The following FARS2 variants were observed in gnomAD, a reference collection of about 807,000 sequenced individuals.
FARS2 encodes phenylalanine--tRNA ligase, mitochondrial.
A neutral mutation model predicts 46.4 loss-of-function variants in FARS2; 40 were observed. The observed-to-expected ratio is 0.86, with a 90% CI of 0.67 to 1.12. The LOEUF (loss-of-function observed/expected upper bound fraction) is 1.12, where lower values mean the gene tolerates loss of function less well. Among genes scored for constraint, FARS2 ranks in the 50% most tolerant of loss-of-function variants. The pLI is 0.00. For missense variants in FARS2, 513 were observed against 567.9 expected (o/e 0.90, Z 0.98); for synonymous variants, 234 against 214.9 (o/e 1.09, Z -0.78).
upstream of FARS2, chr6:5,260,922 C>T (rs563920869): frequency 3.7e-6 from 5 of 1,360,724 alleles, no homozygotes; most frequent in African/African-American, 6.2e-5. Flanking sequence ...CGTCCCGCGC[C>T]GCTTCGGGGG....
At chr6:5,507,171 A>G (rs930226984) in intron 4 of FARS2, among the ~76,000 whole-genome samples, 6 of 152,204 alleles carry the variant, frequency 3.9e-5, no homozygotes, top group African/African-American at 1.4e-4. Flanking sequence ...CAGCAAAAAA[A>G]GTGATGGCTT....
chr6:5,338,884 C>A lies in FARS2; in HGVS notation c.-21-29666C>A, dbSNP rs150370591. Among the ~76,000 whole-genome samples, 683 of 152,178 alleles carry A rather than the reference C, an allele frequency of 4.5e-3. 2 individuals carry two copies. The highest frequency in any genetic ancestry group is 7.5e-3 in the Non-Finnish European group (508 of 68,006). On this transcript the variant is annotated intron_variant, in intron 1 of 6. Coordinates refer to ENST00000274680, the MANE Select transcript of FARS2 (RefSeq NM_006567.5). ...TTTTCTTGCGATTTTCCTGTACAGTCCCCAGATTTACTAGCCTTCCCTCAA... is the reference window on the plus strand; with the variant it reads ...TTTTCTTGCGATTTTCCTGTACAGTACCCAGATTTACTAGCCTTCCCTCAA...
At chr6:5,342,454 T>C (rs762050665) in intron 1 of FARS2, among the ~76,000 whole-genome samples, 5 of 152,212 alleles carry the variant, frequency 3.3e-5, no homozygotes, top group Non-Finnish European at 5.9e-5. Context: ...AAGTGACTCA[T>C]GGTCAACTAG....
chr6:5,260,605 CCCCTGGCCCCCCG>C, upstream of FARS2: 3 of 822,268 alleles, frequency 3.6e-6, no homozygotes, highest in Non-Finnish European at 3.9e-6. Flanking sequence ...CGGTCCCCGG[CCCCTGGCCCCCCG>C]CCCCCGGCCC....
chr6:5,303,244 A>C (rs914002559), intron 1 of FARS2, among the ~76,000 whole-genome samples: 25 of 152,194 alleles, frequency 1.6e-4, no homozygotes. Flanking sequence ...AGAGAAAAGA[A>C]CTTGAGCATT....
In FARS2 at chr6:5,590,871, A is replaced by C. The variant is rs546604030; in HGVS notation, c.1066-22298A>C. On this transcript the variant is annotated intron_variant, in intron 5 of 6. Transcript: ENST00000274680. ...ACCTACATCTTATTTTAAATTTCCTAACAGCTCATTGCTTTGCACATTGTA... is the reference window on the plus strand; with the variant it reads ...ACCTACATCTTATTTTAAATTTCCTCACAGCTCATTGCTTTGCACATTGTA... Among the ~76,000 whole-genome samples, 22 of 152,100 alleles carry C rather than the reference A, an allele frequency of 1.4e-4. No homozygotes were observed. In the East Asian group the frequency reaches 4.3e-3, roughly 29 times the overall value.
At chr6:5,286,990 C>T (rs6597123) in intron 1 of FARS2, among the ~76,000 whole-genome samples, 61,318 of 152,070 alleles carry the variant, frequency 0.4, 14,660 homozygotes, top group East Asian at 0.8. Context: ...CTTGTGGCCC[C>T]AGGCCTGGCC....
At chr6:5,267,171 A>AAAC (rs1765605928) in intron 1 of FARS2, among the ~76,000 whole-genome samples, 1 of 150,520 alleles carries the variant, frequency 6.6e-6, no homozygotes, top group Non-Finnish European at 1.5e-5. Context: ...AAAAAAAAAA[A>AAAC]CTCATTAATT....
intron 4 of FARS2, among the ~76,000 whole-genome samples, chr6:5,531,310 A>G (rs1769815348): frequency 6.6e-6 from 1 of 152,208 alleles, no homozygotes; most frequent in African/African-American, 2.4e-5. Flanking sequence ...CACTTTCTAC[A>G]CATTCCATGT....
In FARS2 at chr6:5,375,701, A is replaced by C. The variant is rs73718084; in HGVS notation, c.612+6519A>C. Among the ~76,000 whole-genome samples, 682 of 152,242 alleles carry C rather than the reference A, an allele frequency of 4.5e-3. 5 individuals carry two copies. The highest frequency in any genetic ancestry group is 0.016 in the African/African-American group (650 of 41,584). On this transcript the variant is annotated intron_variant, in intron 2 of 6. Coordinates refer to ENST00000274680, the MANE Select transcript of FARS2 (RefSeq NM_006567.5). ...TCATATTTGAGAACTTATGAAATAT[A>C]AGTGATATTTCATATCACATAAGTG...
At chr6:5,325,941 C>T (rs1770345693) in intron 1 of FARS2, among the ~76,000 whole-genome samples, 1 of 152,116 alleles carries the variant, frequency 6.6e-6, no homozygotes, top group African/African-American at 2.4e-5. Flanking sequence ...ATCAGATTGG[C>T]AGAGATGGAA....
rs76975566 is a variant in FARS2, at chr6:5,734,569, A to G, written c.1218-36722A>G. Among the ~76,000 whole-genome samples, 544 of 152,218 alleles carry G rather than the reference A, an allele frequency of 3.6e-3. 2 individuals are homozygous for G. Among genetic ancestry groups the G allele is most frequent in the African/African-American group, 0.011 (459 of 41,540 alleles). ...CTCTCTGTAGAGAGGGAGCAAGGAG[A>G]TGATGGTGATGATGACAGGGAACAC... On this transcript the variant is annotated intron_variant, in intron 6 of 6. Transcript: ENST00000274680.
At chr6:5,568,830 C>T (rs938507646) in intron 5 of FARS2, among the ~76,000 whole-genome samples, 1 of 152,306 alleles carries the variant, frequency 6.6e-6, no homozygotes, top group Middle Eastern at 3.4e-3. Flanking sequence ...GCTAGGAGCC[C>T]ACTCGAGGCC....
chr6:5,680,611 A>G (rs539518275), intron 6 of FARS2, among the ~76,000 whole-genome samples: 1 of 152,258 alleles, frequency 6.6e-6, no homozygotes, highest in Non-Finnish European at 1.5e-5. Context: ...GGCTGCTTCT[A>G]GAAAATTCAG....
intron 6 of FARS2, among the ~76,000 whole-genome samples, chr6:5,665,978 A>G (rs1174976654): frequency 6.6e-6 from 1 of 152,158 alleles, no homozygotes; most frequent in Non-Finnish European, 1.5e-5. Context: ...CTGTAATCGC[A>G]CAGGCACTGG....
chr6:5,762,012 C>A (rs1762503073), intron 6 of FARS2, among the ~76,000 whole-genome samples: 1 of 152,120 alleles, frequency 6.6e-6, no homozygotes, highest in Non-Finnish European at 1.5e-5. Context: ...TCCCAACTTG[C>A]ATTTCTAGTA....
At chr6:5,300,402 C>T (rs1426219361) in intron 1 of FARS2, among the ~76,000 whole-genome samples, 1 of 152,174 alleles carries the variant, frequency 6.6e-6, no homozygotes, top group Non-Finnish European at 1.5e-5. Context: ...TTGGAAGGGA[C>T]ATCTGATGGT....
chr6:5,571,621 G>C (rs975146874), intron 5 of FARS2, among the ~76,000 whole-genome samples: 1 of 152,026 alleles, frequency 6.6e-6, no homozygotes, highest in Non-Finnish European at 1.5e-5. Context: ...TCTAGCACCC[G>C]GCTGGGGTTC....
chr6:5,749,752 C>T (rs1055067982), intron 6 of FARS2, among the ~76,000 whole-genome samples: 1 of 152,216 alleles, frequency 6.6e-6, no homozygotes, highest in Non-Finnish European at 1.5e-5. Context: ...TAGGTGCAGT[C>T]ATTGGCAGGC....
Sources: gnomAD v4.1 joint callset for allele counts (sites outside exome capture counted in the v4.1 genomes callset) on GRCh38, gnomAD v4.1.1 for gene constraint, MANE v1.5 for transcripts, NCBI Gene and HGNC (gene_info 2026-07-23, HGNC 2026-07-21) for gene names.